PUDP: variants seen among roughly 807,000 people sequenced by gnomAD.
PUDP encodes the protein pseudouridine 5'-phosphatase.
PUDP carries 8 observed loss-of-function variants against 9.4 expected under a neutral mutation model. The observed-to-expected ratio is 0.85, with a 90% CI of 0.50 to 1.53. The LOEUF (loss-of-function observed/expected upper bound fraction) is 1.53, where lower values mean the gene tolerates loss of function less well. PUDP is among the 40% of genes most tolerant of loss of function. The probability of loss-of-function intolerance (pLI) is 0.00; values close to 1 mark genes in which losing one functional copy is unlikely to be tolerated. For missense variants in PUDP, 188 were observed against 189.7 expected (o/e 0.99, Z 0.05); for synonymous variants, 99 against 80.7 (o/e 1.23, Z -1.22).
chrX:6,917,583 A>C (rs997873297), intron 3 of PUDP, among the ~76,000 whole-genome samples: 2 of 111,846 alleles, frequency 1.8e-5, no homozygotes, highest in Admixed American at 1.9e-4. Context: ...ACATGATGAA[A>C]CAAGCTTTGT....
At chrX:7,106,175 G>T (rs1428670698) in intron 1 of PUDP, among the ~76,000 whole-genome samples, 1 of 112,625 alleles carries the variant, frequency 8.9e-6, no homozygotes, top group Non-Finnish European at 1.9e-5. Context: ...GATAGCACAA[G>T]GCATCATTAC....
intron 3 of PUDP, among the ~76,000 whole-genome samples, chrX:6,843,924 T>A (rs1224793904): frequency 8.9e-6 from 1 of 112,805 alleles, no homozygotes; most frequent in African/African-American, 3.2e-5. Flanking sequence ...CTACATAAAA[T>A]TTTAACCTTA....
intron 3 of PUDP, among the ~76,000 whole-genome samples, chrX:6,736,126 A>G (rs149715776): frequency 0.019 from 2,135 of 111,381 alleles, 51 homozygotes; most frequent in African/African-American, 0.062. Context: ...GTAAATGTTC[A>G]TTCCTTCATT....
intron 3 of PUDP, among the ~76,000 whole-genome samples, chrX:6,817,929 C>T (rs1380916564): frequency 1.8e-5 from 2 of 111,712 alleles, no homozygotes; most frequent in Non-Finnish European, 3.8e-5. Flanking sequence ...TTTGAATCTT[C>T]CCCAAAATTT....
intron 2 of PUDP, among the ~76,000 whole-genome samples, chrX:7,080,888 C>T (rs774578970): frequency 2.0e-5 from 2 of 100,524 alleles, no homozygotes; most frequent in Admixed American, 1.1e-4. Context: ...CACTGCACTC[C>T]AGCCTGGGTG....
chrX:6,959,170 A>G (rs1445380241), intron 3 of PUDP, among the ~76,000 whole-genome samples: 1 of 112,114 alleles, frequency 8.9e-6, no homozygotes, highest in Non-Finnish European at 1.9e-5. Context: ...GAGGCCATTC[A>G]GCAGAACAAT....
At chrX:7,051,562 T>C (rs1930101610) in intron 3 of PUDP, among the ~76,000 whole-genome samples, 1 of 111,332 alleles carries the variant, frequency 9.0e-6, no homozygotes, top group African/African-American at 3.3e-5. Context: ...AAAAATAAAG[T>C]ACTAAAAGAA....
At chrX:6,814,569 G>A (rs4914911) in intron 3 of PUDP, among the ~76,000 whole-genome samples, 57,228 of 109,829 alleles carry the variant, frequency 0.52, 12,105 homozygotes, top group African/African-American at 0.8. Flanking sequence ...AAATTTCAGA[G>A]GAAACAATAA....
At position 7,077,143 on chromosome X, in the gene PUDP, T is replaced by A. The variant is rs1451989560; in HGVS notation, c.510+77A>T. ...ACAGCACAAACCACAACTTTTCACA[T>A]TTAGCAAACACTACATGGATATTAT... On this transcript the variant is annotated intron_variant, in intron 3 of 3. Coordinates refer to ENST00000381077, the MANE Select transcript of PUDP (RefSeq NM_012080.5). 8 of 1,138,365 alleles carry A rather than the reference T, an allele frequency of 7.0e-6. No individual in the cohort carries two copies. The Admixed American group carries it at 2.2e-4, about 31-fold the overall frequency. 93.8% of individuals were successfully genotyped at this position (1,138,365 alleles called of 1,213,427 possible).
intron 3 of PUDP, among the ~76,000 whole-genome samples, chrX:6,858,314 TTTTC>T (rs1212737927): frequency 1.4e-4 from 14 of 101,675 alleles, no homozygotes; most frequent in Non-Finnish European, 4.0e-5. Context: ...ATCCTTTTTT[TTTTC>T]TTTCTTTTTT....
chrX:6,746,075 A>G (rs999907424), intron 3 of PUDP, among the ~76,000 whole-genome samples: 2 of 112,343 alleles, frequency 1.8e-5, no homozygotes, highest in African/African-American at 3.2e-5. Flanking sequence ...TTTCTTGCTT[A>G]AAGAAATTTC....
chrX:6,744,275 T>C (rs1924972378), intron 3 of PUDP, among the ~76,000 whole-genome samples: 1 of 112,202 alleles, frequency 8.9e-6, no homozygotes, highest in Admixed American at 9.5e-5. Flanking sequence ...TGTTGGATGC[T>C]TTACAGGTAA....
At chrX:6,951,934 C>T (rs1184040800) in intron 3 of PUDP, among the ~76,000 whole-genome samples, 1 of 111,622 alleles carries the variant, frequency 9.0e-6, no homozygotes, top group Admixed American at 9.5e-5. Flanking sequence ...TTTGCAGCAC[C>T]AATAACTTCA....
At chrX:6,838,755 T>C (rs780454016) in intron 3 of PUDP, among the ~76,000 whole-genome samples, 1 of 111,942 alleles carries the variant, frequency 8.9e-6, no homozygotes, top group Admixed American at 9.5e-5. Context: ...GGATTGTCTG[T>C]CTTTTGTTGT....
intron 1 of PUDP, among the ~76,000 whole-genome samples, chrX:7,121,254 C>A (rs1232096908): frequency 8.9e-6 from 1 of 111,759 alleles, no homozygotes; most frequent in African/African-American, 3.3e-5. Context: ...CATAAATGAC[C>A]CCTGGAATCC....
chrX:6,815,937 T>C (rs896537697), intron 3 of PUDP, among the ~76,000 whole-genome samples: 1 of 107,341 alleles, frequency 9.3e-6, no homozygotes, highest in African/African-American at 3.4e-5. Flanking sequence ...TATGGGGCTT[T>C]ATATATATGT....
At chrX:6,846,142 A>T (rs1926741846) in intron 3 of PUDP, among the ~76,000 whole-genome samples, 1 of 111,362 alleles carries the variant, frequency 9.0e-6, no homozygotes, top group Admixed American at 9.5e-5. Context: ...TTTTTTTGAA[A>T]AGTGTCAGTT....
intron 3 of PUDP, among the ~76,000 whole-genome samples, chrX:6,728,465 T>A (rs773344709): frequency 5.4e-5 from 6 of 111,875 alleles, no homozygotes; most frequent in Non-Finnish European, 9.4e-5. Flanking sequence ...TACAGCAACA[T>A]GCTTATGCTT....
intron 1 of PUDP, among the ~76,000 whole-genome samples, chrX:7,125,129 T>G: frequency 9.0e-6 from 1 of 111,480 alleles, no homozygotes; most frequent in Non-Finnish European, 1.9e-5. Flanking sequence ...TGTGACAATT[T>G]ATCTGAGGCA....
Sources: gnomAD v4.1 joint callset for allele counts (sites outside exome capture counted in the v4.1 genomes callset) on GRCh38, gnomAD v4.1.1 for gene constraint, MANE v1.5 for transcripts, NCBI Gene and HGNC (gene_info 2026-07-23, HGNC 2026-07-21) for gene names.